LUC7L2: variants seen among roughly 807,000 people sequenced by gnomAD.
The protein encoded by LUC7L2 is putative RNA-binding protein Luc7-like 2.
In LUC7L2, 25 loss-of-function variants were observed where a neutral mutation model predicts 52.8. The ratio of observed to expected loss-of-function variants is 0.47; its 90% confidence interval spans 0.34 to 0.66. LUC7L2 has a LOEUF of 0.66. LUC7L2 is among the 30% of genes least tolerant of loss of function. The pLI, the probability that LUC7L2 is intolerant of heterozygous loss-of-function variation, is 0.01. For synonymous variants in LUC7L2, 144 were observed against 160.9 expected (o/e 0.89, Z 0.80); for missense variants, 328 against 497.8 (o/e 0.66, Z 3.25).
intron 2 of LUC7L2, chr7:139,392,722 C>G (rs967475300): frequency 6.0e-6 from 1 of 167,302 alleles, no homozygotes; most frequent in African/African-American, 2.4e-5. Context: ...ATGGTGTGAT[C>G]TTGGCTCACC....
chr7:139,405,098 A>G (rs1295194459), intron 4 of LUC7L2, among the ~76,000 whole-genome samples: 1 of 152,238 alleles, frequency 6.6e-6, no homozygotes, highest in Non-Finnish European at 1.5e-5. Flanking sequence ...AGGAGAGAGT[A>G]TGGCCATCTT....
chr7:139,410,915 T>G (rs1049485613), intron 7 of LUC7L2, among the ~76,000 whole-genome samples: 5 of 150,606 alleles, frequency 3.3e-5, no homozygotes, highest in African/African-American at 1.2e-4. Flanking sequence ...ATATGGTCCC[T>G]TTTTAGGAGA....
At position 139,422,457 on chromosome 7, in the gene LUC7L2, A is replaced by G; in HGVS notation, c.*117A>G. 6.8e-7 allele frequency: 1 copy of G among 1,465,894 alleles called. No homozygotes were observed. The highest frequency in any genetic ancestry group is 2.7e-5 in the Admixed American group (1 of 36,676). The allele number at this position is 1,465,894 out of a possible 1,614,324, so 90.8% of individuals were successfully genotyped here. A position where few individuals can be genotyped will look rare whatever the true frequency, so the allele number is the denominator to read the frequency against. On this transcript the variant is annotated 3_prime_UTR_variant, in exon 10 of 10. Coordinates refer to ENST00000354926, the MANE Select transcript of LUC7L2 (RefSeq NM_016019.5). ...TCCAGACACCAGATCCAGCTAGGCT[A>G]GATGTACAGTATCTAACTTGATCTG... is the stretch of plus-strand genomic sequence containing the variant.
At chr7:139,351,432 A>G (rs1029694293) in intron 1 of LUC7L2, among the ~76,000 whole-genome samples, 3 of 152,160 alleles carry the variant, frequency 2.0e-5, no homozygotes, top group African/African-American at 7.2e-5. Flanking sequence ...AAGCCCTTCA[A>G]TTTTTATTGC....
rs1250435823 is a variant in LUC7L2, at chr7:139,374,800, GT to G, written c.62-1259del. On this transcript the variant is annotated intron_variant, in intron 1 of 9. Transcript: ENST00000354926. Reference sequence around the variant, plus strand: ...TCTTACCCCATCTAAAAATGATAGTGTTTAGTTGAATTTAAGTTAAGCTCTT... The same window carrying G: ...TCTTACCCCATCTAAAAATGATAGTGTTAGTTGAATTTAAGTTAAGCTCTT... 4.5e-6 allele frequency: 5 copies of G among 1,109,470 alleles called. No homozygotes were observed. The East Asian group carries it at 2.8e-4, about 61-fold the overall frequency. The allele number at this position is 1,109,470 out of a possible 1,614,324, so 68.7% of individuals were successfully genotyped here.
intron 1 of LUC7L2, among the ~76,000 whole-genome samples, chr7:139,348,245 C>T (rs559223423): frequency 6.7e-6 from 1 of 150,114 alleles, no homozygotes; most frequent in Non-Finnish European, 1.5e-5. Context: ...ACTGTGTTGC[C>T]CAGGTTGGTC....
intron 1 of LUC7L2, chr7:139,345,862 C>A: frequency 1.2e-6 from 1 of 821,956 alleles, no homozygotes; most frequent in Non-Finnish European, 1.8e-6. Context: ...TCTTTACTCT[C>A]AGTGAATTTA....
At position 139,393,767 on chromosome 7, in the gene LUC7L2, T is replaced by C. The variant is rs1458132406; in HGVS notation, c.157-4832T>C. On this transcript the variant is annotated intron_variant, in intron 2 of 9. Transcript: ENST00000354926. ...GACCATGTTTTAAATTTTAAGTACT[T>C]CTCATGTGCATAGCACAGTGCCAGA... is the stretch of plus-strand genomic sequence containing the variant. Among the ~76,000 whole-genome samples, 3 of 152,278 alleles carry C rather than the reference T, an allele frequency of 2.0e-5. No homozygotes were observed. In the East Asian group the frequency reaches 5.8e-4, roughly 29 times the overall value.
At chr7:139,413,548 C>A (rs932518817) in intron 8 of LUC7L2, among the ~76,000 whole-genome samples, 7 of 152,190 alleles carry the variant, frequency 4.6e-5, no homozygotes, top group African/African-American at 1.4e-4. Flanking sequence ...GAGGCCGAGG[C>A]AGCCAGATCA....
At chr7:139,393,774 T>C (rs571821789) in intron 2 of LUC7L2, among the ~76,000 whole-genome samples, 329 of 152,330 alleles carry the variant, frequency 2.2e-3, no homozygotes, top group Non-Finnish European at 4.2e-3. Flanking sequence ...ACTTCTCATG[T>C]GCATAGCACA....
At chr7:139,373,308 GA>G (rs539300551) in intron 1 of LUC7L2, among the ~76,000 whole-genome samples, 2 of 152,272 alleles carry the variant, frequency 1.3e-5, no homozygotes, top group South Asian at 4.1e-4. Context: ...CCCCAAGGCA[GA>G]ACTTTAAAAA....
upstream of LUC7L2, among the ~76,000 whole-genome samples, chr7:139,357,565 C>T (rs987625479): frequency 9.2e-5 from 14 of 152,052 alleles, no homozygotes; most frequent in African/African-American, 2.7e-4. Context: ...TATTAATTTG[C>T]ACATTTTTCT....
chr7:139,371,545 A>C, intron 1 of LUC7L2: 11 of 509,336 alleles, frequency 2.2e-5, no homozygotes, highest in Non-Finnish European at 4.0e-5. Context: ...TGGGAGGGAG[A>C]GGGTGGGTAG....
At chr7:139,342,604 C>A (rs754089685) in intron 1 of LUC7L2, among the ~76,000 whole-genome samples, 2 of 152,094 alleles carry the variant, frequency 1.3e-5, no homozygotes, top group Non-Finnish European at 2.9e-5. Flanking sequence ...TACAGGCAGG[C>A]GACATGCGAC....
upstream of LUC7L2, among the ~76,000 whole-genome samples, chr7:139,355,094 C>T (rs547173060): frequency 2.6e-4 from 34 of 131,800 alleles, 1 homozygote; most frequent in African/African-American, 1.3e-3. Context: ...CTCCTGGCCT[C>T]AAGTGATTCT....
intron 5 of LUC7L2, 147 bp from the exon 6 acceptor site, chr7:139,407,027 T>A: frequency 3.1e-6 from 1 of 326,984 alleles, no homozygotes; most frequent in Non-Finnish European, 4.9e-6. Context: ...TTTTTTGAGC[T>A]GGAGTCTCGC....
At chr7:139,371,972 A>C (rs1405423460) in intron 1 of LUC7L2, among the ~76,000 whole-genome samples, 1 of 152,196 alleles carries the variant, frequency 6.6e-6, no homozygotes, top group Non-Finnish European at 1.5e-5. Flanking sequence ...TGAACAAAAG[A>C]GGGAGGAAAG....
intron 1 of LUC7L2, among the ~76,000 whole-genome samples, chr7:139,342,579 C>G (rs1214263818): frequency 6.6e-6 from 1 of 152,156 alleles, no homozygotes; most frequent in Non-Finnish European, 1.5e-5. Context: ...TCTCCTGCCT[C>G]AGCCTCCCGA....
intron 4 of LUC7L2, among the ~76,000 whole-genome samples, chr7:139,404,736 G>T (rs1000409575): frequency 6.6e-6 from 1 of 152,216 alleles, no homozygotes; most frequent in Admixed American, 6.5e-5. Context: ...GACTCATAGA[G>T]TGGAGTTGCC....
Sources: gnomAD v4.1 joint callset for allele counts (sites outside exome capture counted in the v4.1 genomes callset) on GRCh38, gnomAD v4.1.1 for gene constraint, MANE v1.5 for transcripts, NCBI Gene and HGNC (gene_info 2026-07-23, HGNC 2026-07-21) for gene names.